The following MS4A6E variants were observed in gnomAD, a reference collection of about 807,000 sequenced individuals.
The protein encoded by MS4A6E is membrane-spanning 4-domains subfamily A member 6E.
Under a neutral mutation model 13.2 loss-of-function variants are expected in MS4A6E, and 8 were observed. That is an observed-to-expected ratio of 0.60 (90% CI 0.35 to 1.09). The LOEUF (loss-of-function observed/expected upper bound fraction) is 1.09. Ranked by LOEUF, MS4A6E falls within the 50% of genes least tolerant of loss-of-function variation. MS4A6E has a pLI of 0.02. For synonymous variants in MS4A6E, 72 were observed against 67.6 expected (o/e 1.06, Z -0.32); for missense variants, 177 against 171.1 (o/e 1.03, Z -0.19).
chr11:60,348,158 T>C (rs549265690), intron 4 of MS4A6E, among the ~76,000 whole-genome samples: 2 of 152,236 alleles, frequency 1.3e-5, no homozygotes, highest in South Asian at 4.2e-4. Context: ...TTTCTCCTAA[T>C]GGTTAAAGGT....
rs758472668 is a variant in MS4A6E, at chr11:60,339,950, G to C, written c.439G>C (p.Val147Leu). ...LTAVLQWKQTV is the reference protein window; with the variant it reads ...LTAVLQWKQTL ...TGCTGTGCTGCAGTGGAAACAGACT[G>C]TCTGACTTCCCTGGGTGAGTGTGCT... Residue 147 changes from valine (V) to leucine (L), a missense_variant, in exon 4 of 5, where the codon GTC (valine) becomes CTC (leucine). Transcript: ENST00000684409. 1.2e-6 allele frequency: 2 copies of C among 1,613,582 alleles called. No individual in the cohort carries two copies. Among genetic ancestry groups the C allele is most frequent in the East Asian group, 2.2e-5 (1 of 44,802 alleles).
chr11:60,327,759 G>A (rs558238429), intron 1 of MS4A6E, among the ~76,000 whole-genome samples: 21 of 152,232 alleles, frequency 1.4e-4, no homozygotes, highest in African/African-American at 5.1e-4. Flanking sequence ...CAGGCGCAGT[G>A]GTTCAATGCT....
At chr11:60,335,856 A>C (rs944277079) in intron 2 of MS4A6E, among the ~76,000 whole-genome samples, 3 of 152,324 alleles carry the variant, frequency 2.0e-5, no homozygotes, top group African/African-American at 7.2e-5. Flanking sequence ...ACATGAGAAC[A>C]TGCAGTATTT....
At position 60,348,840 on chromosome 11, in the gene MS4A6E, T is replaced by C. The variant is rs562888826; in HGVS notation, c.*162+7912T>C. Among the ~76,000 whole-genome samples, 4 of 152,320 alleles carry C rather than the reference T, an allele frequency of 2.6e-5. No homozygotes were observed. The East Asian group carries it at 7.7e-4, about 29-fold the overall frequency. On this transcript the variant is annotated intron_variant and NMD_transcript_variant, in intron 4 of 4. Coordinates refer to the MS4A6E transcript ENST00000532756. The stretch of plus-strand genomic sequence containing the variant: ...CAGCAGGTGGTTTGCCCTAAAGGCA[T>C]GTAGATGGCCATGGGATGCCCGGGA...
In MS4A6E at chr11:60,339,886, G is replaced by A. The variant is rs201423637; in HGVS notation, c.375G>A (p.Leu125=). The A allele has an allele frequency of 6.2e-7, 1 of 1,613,786 alleles. No individual in the cohort carries two copies. The highest frequency in any genetic ancestry group is 8.5e-7 in the Non-Finnish European group (1 of 1,179,774). The change falls in exon 4 of 5, where the codon CTG becomes CTA. Residue 125 remains leucine, a synonymous_variant. Transcript: ENST00000684409. ...ASLAGTLSLM[L]VSTVLEFCLA... ...TTCAGGGAACTCTGTCTCTGATGCT[G>A]GTTTCTACTGTGTTGGAGTTCTGCC...
At chr11:60,338,034 CT>C (rs1590775805) in intron 3 of MS4A6E, 87 bp downstream of exon 3, 1 of 1,379,714 alleles carries the variant, frequency 7.2e-7, no homozygotes, top group Non-Finnish European at 9.9e-7. Flanking sequence ...GAAAATCTCT[CT>C]GTTAATTCTG....
At chr11:60,336,024 G>C (rs899280575) in intron 2 of MS4A6E, among the ~76,000 whole-genome samples, 2 of 152,172 alleles carry the variant, frequency 1.3e-5, no homozygotes, top group African/African-American at 4.8e-5. Context: ...CAATTTGGAA[G>C]CTCTGGCTAC....
At chr11:60,347,473 C>CT (rs897087780) in intron 4 of MS4A6E, among the ~76,000 whole-genome samples, 24 of 149,254 alleles carry the variant, frequency 1.6e-4, no homozygotes, top group African/African-American at 4.0e-4. Flanking sequence ...ATATGAGATG[C>CT]TTTTTTTTTC....
At chr11:60,348,610 G>A (rs187181447) in intron 4 of MS4A6E, among the ~76,000 whole-genome samples, 4 of 152,334 alleles carry the variant, frequency 2.6e-5, no homozygotes, top group South Asian at 4.2e-4. Context: ...GCAATCAGAG[G>A]CTGGGGTCAG....
chr11:60,332,444 ACTAT>A (rs902028485), intron 1 of MS4A6E, among the ~76,000 whole-genome samples: 11 of 152,210 alleles, frequency 7.2e-5, no homozygotes, highest in African/African-American at 2.4e-4. Context: ...ACCCAAAACA[ACTAT>A]CTGAGTTTTT....
downstream of MS4A6E, among the ~76,000 whole-genome samples, chr11:60,341,587 G>GCA (rs1195617592): frequency 1.5e-5 from 2 of 134,162 alleles, no homozygotes; most frequent in Non-Finnish European, 1.6e-5. Context: ...CCTTGCTCAT[G>GCA]CACACACACG....
chr11:60,333,915 G>A (rs760910309), intron 1 of MS4A6E, among the ~76,000 whole-genome samples: 7 of 152,296 alleles, frequency 4.6e-5, no homozygotes, highest in Middle Eastern at 6.8e-3. Context: ...GGTGAGTGCA[G>A]AGCCAGGAAA....
intron 1 of MS4A6E, among the ~76,000 whole-genome samples, chr11:60,331,452 G>C (rs1290743736): frequency 6.6e-6 from 1 of 151,902 alleles, no homozygotes; most frequent in Non-Finnish European, 1.5e-5. Context: ...GTTTGATTTT[G>C]CATTTATTTT....
intron 4 of MS4A6E, among the ~76,000 whole-genome samples, chr11:60,340,167 G>A (rs1459205673): frequency 1.3e-5 from 2 of 152,210 alleles, no homozygotes; most frequent in African/African-American, 4.8e-5. Flanking sequence ...CACTGGATAT[G>A]AAAATAGTTA....
In MS4A6E at chr11:60,337,887, T is replaced by G; in HGVS notation, c.294T>G (p.Leu98=). 1.9e-6 allele frequency: 3 copies of G among 1,614,222 alleles called. No homozygotes were observed. The highest frequency in any genetic ancestry group is 2.5e-6 in the Non-Finnish European group (3 of 1,180,028). ...AGGATATACCAACCAGACTTCTTCT[T>G]TCTTATGATTATCATTCACCTTACA... ...DEKDIPTRLL[L]SYDYHSPYTM... Residue 98 remains leucine (L), a synonymous_variant, in exon 3 of 5, where the codon CTT becomes CTG. Coordinates refer to ENST00000684409, the MANE Select transcript of MS4A6E (RefSeq NM_139249.4).
chr11:60,339,733 TG>T (rs992835670), intron 3 of MS4A6E, 132 bp from the exon 4 acceptor site: 2 of 751,392 alleles, frequency 2.7e-6, no homozygotes, highest in African/African-American at 3.5e-5. Context: ...GGAGCAGTTT[TG>T]TTTTCCTGAT....
intron 4 of MS4A6E, among the ~76,000 whole-genome samples, chr11:60,348,223 C>A (rs947680090): frequency 1.3e-5 from 2 of 152,018 alleles, no homozygotes; most frequent in Non-Finnish European, 1.5e-5. Context: ...TGTGGAGGGG[C>A]GCACAAAGGG....
chr11:60,337,742 T>C lies in MS4A6E; in HGVS notation c.149T>C (p.Val50Ala), dbSNP rs199793758. The C allele has an allele frequency of 1.2e-5, 20 of 1,614,042 alleles. No individual in the cohort carries two copies. Among genetic ancestry groups the C allele is most frequent in the African/African-American group, 2.7e-5 (2 of 74,942 alleles). ...TCTTACCCAGCATGTCTCTTTCAGG[T>C]GCATAGCAGCCTGGCTGGAAGCATT... Reference protein sequence around the residue: ...RLQAKVKVIGVHSSLAGSILS... With the variant: ...RLQAKVKVIGAHSSLAGSILS... The change falls in exon 3 of 5, where the codon GTG (valine) becomes GCG (alanine). Residue 50 changes from valine (V) to alanine (A), a missense_variant and splice_region_variant. Coordinates refer to ENST00000684409, the MANE Select transcript of MS4A6E (RefSeq NM_139249.4).
intron 4 of MS4A6E, among the ~76,000 whole-genome samples, chr11:60,347,450 G>T (rs2085261197): frequency 6.6e-6 from 1 of 151,974 alleles, no homozygotes; most frequent in South Asian, 2.1e-4. Context: ...ATGGTAAGAA[G>T]TTGTACAATA....
Sources: allele counts gnomAD v4.1 joint callset (sites outside exome capture counted in the v4.1 genomes callset), GRCh38; gene constraint gnomAD v4.1.1; transcripts MANE v1.5; gene names NCBI Gene and HGNC (gene_info 2026-07-23, HGNC 2026-07-21).